CTNNBL1: variants seen among roughly 807,000 people sequenced by gnomAD.
The protein encoded by CTNNBL1 is catenin beta like 1, also known as beta-catenin-like protein 1.
Under a neutral mutation model 72.7 loss-of-function variants are expected in CTNNBL1, and 31 were observed. The observed-to-expected ratio is 0.43, with a 90% CI of 0.32 to 0.58. CTNNBL1 has a LOEUF of 0.58. Ranked by LOEUF, CTNNBL1 falls within the 20% of genes least tolerant of loss-of-function variation. CTNNBL1 has a pLI of 0.08. For synonymous variants in CTNNBL1, 240 were observed against 267.3 expected (o/e 0.90, Z 1.00); for missense variants, 534 against 725.1 (o/e 0.74, Z 3.03).
chr20:37,722,263 C>T lies in CTNNBL1; in HGVS notation c.31-10616C>T, dbSNP rs185525448. Among the ~76,000 whole-genome samples the T allele has an allele frequency of 1.6e-3, 245 of 152,224 alleles. 3 individuals are homozygous for T. Among genetic ancestry groups the T allele is most frequent in the African/African-American group, 5.6e-3 (234 of 41,524 alleles). Reference sequence around the variant, plus strand: ...CCAAGGCAGGCGGATCATTTGAGGTCAGGAGTTTGAGACCAGCCTGGCCAA... The same window carrying T: ...CCAAGGCAGGCGGATCATTTGAGGTTAGGAGTTTGAGACCAGCCTGGCCAA... On this transcript the variant is annotated intron_variant, in intron 1 of 15. Coordinates refer to ENST00000361383, the MANE Select transcript of CTNNBL1 (RefSeq NM_030877.5).
At chr20:37,840,348 T>C in intron 12 of CTNNBL1, 149 bp downstream of exon 12, 1 of 626,726 alleles carries the variant, frequency 1.6e-6, no homozygotes, top group Non-Finnish European at 2.9e-6. Context: ...TGTCAAAGGC[T>C]CTTCTGGTTA....
chr20:37,771,826 A>G (rs2073527090), intron 7 of CTNNBL1, among the ~76,000 whole-genome samples: 1 of 152,226 alleles, frequency 6.6e-6, no homozygotes, highest in Non-Finnish European at 1.5e-5. Context: ...ACCTATCGAT[A>G]TTAAGTGCCT....
chr20:37,785,354 C>A (rs1265315238), intron 10 of CTNNBL1, among the ~76,000 whole-genome samples: 1 of 152,206 alleles, frequency 6.6e-6, no homozygotes, highest in Non-Finnish European at 1.5e-5. Flanking sequence ...AAAAGACTTT[C>A]TACCCCAATA....
intron 13 of CTNNBL1, among the ~76,000 whole-genome samples, chr20:37,844,816 C>T (rs1037612582): frequency 3.3e-5 from 5 of 152,100 alleles, no homozygotes; most frequent in African/African-American, 7.2e-5. Flanking sequence ...GGCATGATGG[C>T]GCACGCGTGT....
chr20:37,766,187 T>A (rs2122663757), intron 6 of CTNNBL1, among the ~76,000 whole-genome samples: 1 of 152,310 alleles, frequency 6.6e-6, no homozygotes, highest in South Asian at 2.1e-4. Context: ...GTAATTTGGG[T>A]TGGCTGTAGT....
chr20:37,787,159 G>A (rs1347882278), intron 10 of CTNNBL1, among the ~76,000 whole-genome samples: 5 of 139,856 alleles, frequency 3.6e-5, no homozygotes, highest in Non-Finnish European at 7.6e-5. Flanking sequence ...ATTCCACTAT[G>A]TTGCCCAGGC....
chr20:37,774,181 T>C (rs1211376413), intron 7 of CTNNBL1, among the ~76,000 whole-genome samples: 1 of 152,174 alleles, frequency 6.6e-6, no homozygotes, highest in African/African-American at 2.4e-5. Context: ...CCCAAAGTGC[T>C]GGGAGTACAG....
In CTNNBL1 at chr20:37,861,409, G is replaced by A. The variant is rs544169110; in HGVS notation, c.1603+1065G>A. 3.3e-4 allele frequency among the ~76,000 whole-genome samples: 51 copies of A among 152,338 alleles called. No homozygotes were observed. In the South Asian group the frequency reaches 0.01, roughly 31 times the overall value. On this transcript the variant is annotated intron_variant, in intron 15 of 15. Coordinates refer to ENST00000361383, the MANE Select transcript of CTNNBL1 (RefSeq NM_030877.5). ...AGGCACTAACTGGAGAGCGCTGGCT[G>A]GTACGTGTGGCAGTGGAGGCCCATG...
At chr20:37,710,597 C>T (rs957709253) in intron 1 of CTNNBL1, among the ~76,000 whole-genome samples, 1 of 152,102 alleles carries the variant, frequency 6.6e-6, no homozygotes, top group Non-Finnish European at 1.5e-5. Flanking sequence ...AACTAGAGAA[C>T]ATCTGAGCAA....
At chr20:37,827,675 T>G (rs1019882691) in intron 11 of CTNNBL1, among the ~76,000 whole-genome samples, 1 of 152,158 alleles carries the variant, frequency 6.6e-6, no homozygotes, top group African/African-American at 2.4e-5. Flanking sequence ...TATACCCGGG[T>G]GCAGGAGATT....
chr20:37,777,804 A>G (rs2073589574), intron 9 of CTNNBL1, 92 bp downstream of exon 9: 9 of 1,303,282 alleles, frequency 6.9e-6, no homozygotes, highest in Admixed American at 5.1e-5. Context: ...GGAATAAGCC[A>G]TGTGCTGCAA....
chr20:37,862,570 C>G (rs551933332), intron 15 of CTNNBL1, among the ~76,000 whole-genome samples: 30 of 152,242 alleles, frequency 2.0e-4, no homozygotes, highest in Non-Finnish European at 2.8e-4. Context: ...AGGTGCTGAC[C>G]CCATACTGGA....
chr20:37,869,472 G>A (rs6096607), intron 15 of CTNNBL1, among the ~76,000 whole-genome samples: 1 of 152,258 alleles, frequency 6.6e-6, no homozygotes, highest in African/African-American at 2.4e-5. Context: ...ACCCACTGCA[G>A]GAGATCCTTC....
intron 11 of CTNNBL1, among the ~76,000 whole-genome samples, chr20:37,834,295 T>C (rs2072236887): frequency 6.6e-6 from 1 of 152,176 alleles, no homozygotes; most frequent in Non-Finnish European, 1.5e-5. Flanking sequence ...TCATCCATCT[T>C]AATCAGCAAG....
chr20:37,790,963 T>C (rs911017518), intron 10 of CTNNBL1, among the ~76,000 whole-genome samples: 2 of 152,208 alleles, frequency 1.3e-5, no homozygotes, highest in African/African-American at 4.8e-5. Context: ...TTCTGTCCAT[T>C]ATGTATTAGT....
At chr20:37,743,791 G>A (rs7270391) in intron 3 of CTNNBL1, among the ~76,000 whole-genome samples, 31 of 152,122 alleles carry the variant, frequency 2.0e-4, no homozygotes, top group African/African-American at 7.5e-4. Flanking sequence ...AGTTAGATTT[G>A]TGCCCTATAT....
chr20:37,769,440 T>G (rs1364465482), intron 7 of CTNNBL1, among the ~76,000 whole-genome samples: 2 of 152,248 alleles, frequency 1.3e-5, no homozygotes, highest in African/African-American at 4.8e-5. Flanking sequence ...TTATTTTAAT[T>G]TGTAATTTTA....
intron 11 of CTNNBL1, chr20:37,832,475 C>T (rs964903920): frequency 1.3e-5 from 2 of 152,118 alleles, no homozygotes; most frequent in Admixed American, 1.3e-4. Flanking sequence ...GAGGGACAGC[C>T]CCAGCTTACA....
chr20:37,760,876 C>T (rs1486703412), intron 5 of CTNNBL1, among the ~76,000 whole-genome samples: 1 of 151,426 alleles, frequency 6.6e-6, no homozygotes, highest in Non-Finnish European at 1.5e-5. Context: ...AGTTCACAAA[C>T]ATTTTTTTCA....
Sources: allele counts gnomAD v4.1 joint callset (sites outside exome capture counted in the v4.1 genomes callset), GRCh38; gene constraint gnomAD v4.1.1; transcripts MANE v1.5; gene names NCBI Gene and HGNC (gene_info 2026-07-23, HGNC 2026-07-21).